Variants in NFIX observed in about 807,000 individuals in gnomAD.
NFIX encodes nuclear factor I X, also known as nuclear factor 1 X-type.
In NFIX, 2 loss-of-function variants were observed where a neutral mutation model predicts 53.3. That is an observed-to-expected ratio of 0.04 (90% CI 0.02 to 0.12). The LOEUF is 0.12. NFIX is among the 10% of genes least tolerant of loss of function. NFIX has a pLI of 1.00. For missense variants in NFIX, 310 were observed against 674.5 expected, an observed-to-expected ratio of 0.46 and a Z score of 5.99; for synonymous variants, 244 against 289.0, an observed-to-expected ratio of 0.84 and a Z score of 1.58.
At chr19:13,076,387 A>G (rs980225691) in intron 6 of NFIX, among the ~76,000 whole-genome samples, 1 of 152,016 alleles carries the variant, frequency 6.6e-6, no homozygotes, top group African/African-American at 2.4e-5. Context: ...ACCCCCCTTC[A>G]CCTCCATTCT....
intron 2 of NFIX, among the ~76,000 whole-genome samples, chr19:13,063,750 G>A (rs1198056616): frequency 6.6e-6 from 1 of 152,048 alleles, no homozygotes; most frequent in Non-Finnish European, 1.5e-5. Flanking sequence ...ACTCCTGCTT[G>A]TCCCAGGCGC....
At chr19:13,055,221 C>T (rs1456884491) in intron 2 of NFIX, among the ~76,000 whole-genome samples, 1 of 148,702 alleles carries the variant, frequency 6.7e-6, no homozygotes, top group Non-Finnish European at 1.5e-5. Context: ...GCACAACCCT[C>T]CCCCCCTCCC....
intron 1 of NFIX, among the ~76,000 whole-genome samples, chr19:13,020,588 G>A (rs1388646238): frequency 6.6e-6 from 1 of 152,164 alleles, no homozygotes. Flanking sequence ...ATAGCCACTG[G>A]CAGGAGAAGG....
chr19:13,035,174 C>T (rs2014094852), intron 2 of NFIX, among the ~76,000 whole-genome samples: 1 of 152,202 alleles, frequency 6.6e-6, no homozygotes, highest in Non-Finnish European at 1.5e-5. Flanking sequence ...CACCTCTTGC[C>T]TCACCGCCAG....
At chr19:13,017,626 G>T (rs2012737963) in intron 1 of NFIX, among the ~76,000 whole-genome samples, 1 of 152,170 alleles carries the variant, frequency 6.6e-6, no homozygotes, top group Admixed American at 6.5e-5. Context: ...TGCCTTTTGG[G>T]TTTTGTCACC....
chr19:13,065,959 G>A (rs564592520), intron 2 of NFIX, among the ~76,000 whole-genome samples: 2 of 152,300 alleles, frequency 1.3e-5, no homozygotes, highest in East Asian at 3.9e-4. Flanking sequence ...CATTATATGA[G>A]GGAGGCAGTG....
intron 2 of NFIX, among the ~76,000 whole-genome samples, chr19:13,056,347 A>T (rs2015692184): frequency 6.6e-6 from 1 of 151,796 alleles, no homozygotes; most frequent in Non-Finnish European, 1.5e-5. Context: ...CAGAGGAGGG[A>T]GTGGGGAGGG....
Position 13,094,659 on chromosome 19 carries a change from C to T in NFIX, c.*10C>T, listed in dbSNP as rs551638525. ...GTCCTGGTTCCTCTGATAAGATCGA[C>T]AAAAGAAACAACAAAATGAGAAGAA... On this transcript the variant is annotated 3_prime_UTR_variant, in exon 11 of 11. Transcript: ENST00000592199. This position sits in a 1 kb window ranked among gnomAD's most constrained non-coding sequence, Gnocchi z 4.3. 2.6e-6 allele frequency: 4 copies of T among 1,535,582 alleles called. No individual in the cohort carries two copies. In the Admixed American group the frequency reaches 7.9e-5, roughly 30 times the overall value.
chr19:13,092,960 C>T (rs145025433), intron 10 of NFIX, among the ~76,000 whole-genome samples: 2 of 152,360 alleles, frequency 1.3e-5, no homozygotes, highest in African/African-American at 2.4e-5. Context: ...GTCTCTTGTG[C>T]GTACTGTCCA....
chr19:13,093,989 G>A lies in NFIX; in HGVS notation c.1495-646G>A, dbSNP rs2018293492. 6.6e-6 allele frequency among the ~76,000 whole-genome samples: 1 copy of A among 152,078 alleles called. No homozygotes were observed. Among genetic ancestry groups the A allele is most frequent in the Non-Finnish European group, 1.5e-5 (1 of 68,010 alleles). The stretch of plus-strand genomic sequence containing the variant: ...CTGCTGGCGATATGAAGGAAATGAC[G>A]CTCACCCCAGGGAGCCTCAAGTCCT... On this transcript the variant is annotated intron_variant, in intron 10 of 10. Transcript: ENST00000592199. The surrounding 1 kb of genome is among the most constrained non-coding windows in gnomAD (Gnocchi z 4.7).
chr19:13,027,677 A>G lies in NFIX; in HGVS notation c.559+2125A>G, dbSNP rs1253900533. Among the ~76,000 whole-genome samples the G allele has an allele frequency of 1.3e-5, 2 of 152,154 alleles. No individual in the cohort carries two copies. The highest frequency in any genetic ancestry group is 2.9e-5 in the Non-Finnish European group (2 of 68,026). On this transcript the variant is annotated intron_variant, in intron 2 of 10. Transcript: ENST00000592199. This position sits in a 1 kb window ranked among gnomAD's most constrained non-coding sequence, Gnocchi z 4.3. ...CTTGACTGCTGCCAGTGTGGGGCTA[A>G]GGTAGGATGAAAAGTATGTGAGGAA...
At position 13,094,755 on chromosome 19, in the gene NFIX, G is replaced by A. The variant is rs547124012; in HGVS notation, c.*106G>A. ...TCCCCCAGCCCAGCCCAGCCCCACC[G>A]AAAAGCAAAAATTACACGTCGTCAG... On this transcript the variant is annotated 3_prime_UTR_variant, in exon 11 of 11. Transcript: ENST00000592199. The surrounding 1 kb of genome is among the most constrained non-coding windows in gnomAD (Gnocchi z 4.3). 2.9e-4 allele frequency: 370 copies of A among 1,271,312 alleles called. 1 individual carries two copies. Among genetic ancestry groups the A allele is most frequent in the South Asian group, 1.7e-3 (129 of 75,968 alleles). 78.8% of individuals were successfully genotyped at this position (1,271,312 alleles called of 1,614,324 possible).
At chr19:13,041,961 A>G (rs1684268878) in intron 2 of NFIX, among the ~76,000 whole-genome samples, 1 of 150,150 alleles carries the variant, frequency 6.7e-6, no homozygotes, top group African/African-American at 2.4e-5. Context: ...GCAGTGGCGC[A>G]ATCTCAGGTC....
intron 1 of NFIX, among the ~76,000 whole-genome samples, chr19:13,017,866 C>T (rs1052749140): frequency 2.5e-4 from 38 of 152,194 alleles, no homozygotes; most frequent in Admixed American, 2.2e-3. Context: ...TCCCTCTTCC[C>T]GGGCCCTTGG....
In NFIX at chr19:13,021,779, A is replaced by G. The variant is rs1399875964; in HGVS notation, c.28-3242A>G. 1.3e-5 allele frequency among the ~76,000 whole-genome samples: 2 copies of G among 151,746 alleles called. No individual in the cohort carries two copies. Among genetic ancestry groups the G allele is most frequent in the African/African-American group, 4.8e-5 (2 of 41,266 alleles). ...AGTGGGACTCCCCTACCCAGTGCTC[A>G]CCCTTTCTGCTTGCTGTGAGGAAGG... On this transcript the variant is annotated intron_variant, in intron 1 of 10. Transcript: ENST00000592199. This position sits in a 1 kb window ranked among gnomAD's most constrained non-coding sequence, Gnocchi z 4.2.
Position 13,095,613 on chromosome 19 carries a change from C to CA in NFIX, c.*965dup, listed in dbSNP as rs1237295287. On this transcript the variant is annotated 3_prime_UTR_variant, in exon 11 of 11. Coordinates refer to ENST00000592199, the MANE Select transcript of NFIX (RefSeq NM_001365902.3). The stretch of plus-strand genomic sequence containing the variant: ...CCCATCAGTTCCTGCCCCTGCCCCT[C>CA]ATGCAGACTGCCCTGCTGGGGCCGG... 1.3e-5 allele frequency: 2 copies of CA among 152,368 alleles called. No individual in the cohort carries two copies. The highest frequency in any genetic ancestry group is 4.8e-5 in the African/African-American group (2 of 41,414). The allele number at this position is 152,368 out of a possible 1,614,324, so 9.4% of individuals were successfully genotyped here.
rs941431364 is a variant in NFIX at position 13,093,701 on chromosome 19, G to A, written c.1495-934G>A. Among the ~76,000 whole-genome samples the A allele has an allele frequency of 2.0e-5, 3 of 152,248 alleles. No individual in the cohort carries two copies. The highest frequency in any genetic ancestry group is 7.2e-5 in the African/African-American group (3 of 41,468). ...CTCCGCCTGGCCCCTGCAGACCAGA[G>A]TCTGTGACAGCCTGGGAGAGGTCCC... On this transcript the variant is annotated intron_variant, in intron 10 of 10. Transcript: ENST00000592199. This position sits in a 1 kb window ranked among gnomAD's most constrained non-coding sequence, Gnocchi z 4.7.
rs2012325312 is a variant in NFIX at position 13,011,228 on chromosome 19, C to T, written c.28-13793C>T. Among the ~76,000 whole-genome samples, 1 of 152,246 alleles carries T rather than the reference C, an allele frequency of 6.6e-6. No homozygotes were observed. The highest frequency in any genetic ancestry group is 1.5e-5 in the Non-Finnish European group (1 of 68,044). On this transcript the variant is annotated intron_variant, in intron 1 of 10. Transcript: ENST00000592199. The surrounding 1 kb of genome is among the most constrained non-coding windows in gnomAD (Gnocchi z 6.5). ...GGCCGGACTGCAGCTCCGAATCCCGCAGCCCCAGAAACACAATCGCGGGGG... is the reference window on the plus strand; with the variant it reads ...GGCCGGACTGCAGCTCCGAATCCCGTAGCCCCAGAAACACAATCGCGGGGG...
In NFIX at chr19:12,996,169, G is replaced by GTT. The variant is rs1482508140; in HGVS notation, c.27+306_27+307insTT. ...TGTGTGTGTGTGTGTGTGTGTGTGT[G>GTT]TGCGCGCTCGACTGGGGTGCGATGG... On this transcript the variant is annotated intron_variant, in intron 1 of 10. Coordinates refer to ENST00000592199, the MANE Select transcript of NFIX (RefSeq NM_001365902.3). The surrounding 1 kb of genome is among the most constrained non-coding windows in gnomAD (Gnocchi z 5.2). Among the ~76,000 whole-genome samples the GTT allele has an allele frequency of 1.3e-5, 2 of 151,858 alleles. No individual in the cohort carries two copies. Among genetic ancestry groups the GTT allele is most frequent in the Non-Finnish European group, 2.9e-5 (2 of 67,904 alleles).
Sources: gnomAD v4.1 joint callset for allele counts (sites outside exome capture counted in the v4.1 genomes callset) on GRCh38, gnomAD v4.1.1 for gene constraint, Gnocchi (gnomAD v3.1) non-coding constraint, MANE v1.5 for transcripts, NCBI Gene and HGNC (gene_info 2026-07-23, HGNC 2026-07-21) for gene names.